Variants in SLC4A7 observed in about 807,000 individuals in gnomAD.
SLC4A7 encodes the protein solute carrier family 4 member 7.
In SLC4A7, 51 loss-of-function variants were observed where a neutral mutation model predicts 137.6. The ratio of observed to expected loss-of-function variants is 0.37; its 90% CI spans 0.30 to 0.47. The LOEUF (loss-of-function observed/expected upper bound fraction) is 0.47, where lower values mean the gene tolerates loss of function less well. SLC4A7 is among the 20% of genes least tolerant of loss of function. The pLI, the probability that SLC4A7 is intolerant of heterozygous loss-of-function variation, is 1.00. For synonymous variants in SLC4A7, 542 were observed against 518.6 expected (o/e 1.05, Z -0.61); for missense variants, 1,247 against 1,525.4 (o/e 0.82, Z 3.04).
intron 12 of SLC4A7, among the ~76,000 whole-genome samples, 155 bp downstream of exon 12, chr3:27,411,487 C>T (rs936702007): frequency 8.6e-5 from 13 of 151,262 alleles, no homozygotes; most frequent in African/African-American, 3.1e-4. Context: ...TATATTTATA[C>T]ATATAAATTT....
At chr3:27,424,688 T>C (rs914320914) in intron 7 of SLC4A7, among the ~76,000 whole-genome samples, 23 of 152,262 alleles carry the variant, frequency 1.5e-4, no homozygotes, top group Admixed American at 5.9e-4. Context: ...TTAACATTTA[T>C]GTCTATAATA....
intron 1 of SLC4A7, among the ~76,000 whole-genome samples, chr3:27,481,869 C>T (rs1466803004): frequency 2.0e-5 from 3 of 152,168 alleles, no homozygotes; most frequent in African/African-American, 7.2e-5. Context: ...GGTGCCATGG[C>T]TTACACCTGT....
chr3:27,449,914 T>C (rs1304897574), intron 2 of SLC4A7, among the ~76,000 whole-genome samples: 1 of 152,222 alleles, frequency 6.6e-6, no homozygotes, highest in Non-Finnish European at 1.5e-5. Context: ...ATATGTGACT[T>C]GAAAGTACAG....
chr3:27,408,829 T>C (rs1012356044), intron 13 of SLC4A7, among the ~76,000 whole-genome samples: 6 of 152,228 alleles, frequency 3.9e-5, no homozygotes, highest in African/African-American at 1.4e-4. Context: ...TTTAGCTATT[T>C]TCACATAGAC....
At chr3:27,477,005 A>G (rs2059490862) in intron 1 of SLC4A7, among the ~76,000 whole-genome samples, 1 of 152,230 alleles carries the variant, frequency 6.6e-6, no homozygotes, top group African/African-American at 2.4e-5. Context: ...GGAGGCAGAG[A>G]GGCAAATTTC....
intron 10 of SLC4A7, among the ~76,000 whole-genome samples, chr3:27,419,394 C>A (rs574762594): frequency 6.6e-6 from 1 of 151,790 alleles, no homozygotes; most frequent in South Asian, 2.1e-4. Flanking sequence ...CATGGTGACA[C>A]CCCATCTCTA....
At chr3:27,483,839 G>T (rs1201863376) in intron 1 of SLC4A7, among the ~76,000 whole-genome samples, 1 of 150,576 alleles carries the variant, frequency 6.6e-6, no homozygotes, top group African/African-American at 2.4e-5. Flanking sequence ...GCGCGCCGCC[G>T]GCCGCCCCGA....
intron 10 of SLC4A7, 139 bp downstream of exon 10, chr3:27,420,561 A>T (rs552114641): frequency 2.3e-6 from 1 of 439,578 alleles, no homozygotes; most frequent in East Asian, 3.5e-5. Flanking sequence ...AGGAGAAGCA[A>T]ATATGAGATA....
intron 1 of SLC4A7, among the ~76,000 whole-genome samples, chr3:27,473,824 A>G (rs2059356074): frequency 6.6e-6 from 1 of 152,100 alleles, no homozygotes; most frequent in African/African-American, 2.4e-5. Context: ...ATACAAATAC[A>G]TACATAAAAT....
chr3:27,394,800 A>G, intron 19 of SLC4A7, 31 bp from the exon 20 acceptor site: 1 of 1,606,380 alleles, frequency 6.2e-7, no homozygotes, highest in Non-Finnish European at 8.5e-7. Flanking sequence ...AAATATCTGT[A>G]AGTCTAAATG....
chr3:27,398,047 A>G (rs1368449308), intron 17 of SLC4A7, 145 bp downstream of exon 17: 1 of 666,072 alleles, frequency 1.5e-6, no homozygotes, highest in Non-Finnish European at 2.5e-6. Flanking sequence ...CGTAATATAC[A>G]TTTTTCACTA....
At chr3:27,443,893 C>T (rs375345848) in intron 3 of SLC4A7, among the ~76,000 whole-genome samples, 2 of 152,280 alleles carry the variant, frequency 1.3e-5, no homozygotes, top group South Asian at 4.1e-4. Flanking sequence ...TTTCCAAATA[C>T]CTAGGAATTA....
chr3:27,409,543 G>A lies in SLC4A7; in HGVS notation c.1767-13C>T, dbSNP rs769047401. The A allele has an allele frequency of 1.2e-6, 2 of 1,603,406 alleles. No homozygotes were observed. Among genetic ancestry groups the A allele is most frequent in the Admixed American group, 1.7e-5 (1 of 58,680 alleles). On this transcript the variant is annotated splice_polypyrimidine_tract_variant and intron_variant, in intron 12 of 25. Coordinates refer to ENST00000454389, the MANE Select transcript of SLC4A7 (RefSeq NM_001321103.2). ...ACCACCAAAAAGCCTAAATAGGTGAGATGAAACTCGTCAAACTGTACACTA... is the reference window on the plus strand; with the variant it reads ...ACCACCAAAAAGCCTAAATAGGTGAAATGAAACTCGTCAAACTGTACACTA...
intron 7 of SLC4A7, among the ~76,000 whole-genome samples, chr3:27,427,152 C>A (rs1166148884): frequency 6.6e-6 from 1 of 152,132 alleles, no homozygotes; most frequent in Non-Finnish European, 1.5e-5. Context: ...GTGCTGCAGG[C>A]AGCTAGCCAA....
At chr3:27,447,074 G>C (rs1280496472) in intron 3 of SLC4A7, among the ~76,000 whole-genome samples, 1 of 147,716 alleles carries the variant, frequency 6.8e-6, no homozygotes, top group Non-Finnish European at 1.5e-5. Flanking sequence ...TTTCAGTAGA[G>C]ACGGGGTTTC....
chr3:27,423,968 A>G (rs764166921), intron 8 of SLC4A7, 69 bp downstream of exon 8: 17 of 915,966 alleles, frequency 1.9e-5, no homozygotes, highest in Non-Finnish European at 2.6e-5. Context: ...TAATAATATT[A>G]GCCACAAATT....
chr3:27,376,448 T>C lies in SLC4A7; in HGVS notation c.*316A>G, dbSNP rs892276944. 2 of 181,484 alleles carry C rather than the reference T, an allele frequency of 1.1e-5. No individual in the cohort carries two copies. Among genetic ancestry groups the C allele is most frequent in the African/African-American group, 4.7e-5 (2 of 42,612 alleles). 11.2% of individuals were successfully genotyped at this position (181,484 alleles called of 1,614,324 possible). ...AAGTATCACTTAAGGTTTTTACGAA[T>C]TGCCACTGATGAACAGAGATTTAAG... On this transcript the variant is annotated 3_prime_UTR_variant, in exon 26 of 26. Coordinates refer to ENST00000454389, the MANE Select transcript of SLC4A7 (RefSeq NM_001321103.2).
intron 3 of SLC4A7, among the ~76,000 whole-genome samples, chr3:27,441,627 G>A (rs1207700136): frequency 1.3e-5 from 2 of 152,028 alleles, no homozygotes; most frequent in Non-Finnish European, 2.9e-5. Flanking sequence ...CCAGCAGTTG[G>A]GGAGATGCAC....
rs775842812 is a variant in SLC4A7 at position 27,436,403 on chromosome 3, G to C, written c.574C>G (p.Leu192Val). 2.8e-5 allele frequency: 45 copies of C among 1,610,724 alleles called. No individual in the cohort carries two copies. The highest frequency in any genetic ancestry group is 1.6e-4 in the Middle Eastern group (1 of 6,066). Residue 192 changes from leucine (L) to valine (V), a missense_variant, in exon 5 of 26, where the codon CTA becomes GTA. Physicochemically the swap from Leu to Val is conservative, Grantham distance 32 (BLOSUM62 1). Around this residue, in one of 6 missense-constraint regions of SLC4A7, gnomAD observed 223 missense variants for 203.6 expected, o/e 1.10. Transcript: ENST00000454389. ...TTACTATAACCTGCTATTTCATCTA[G>C]AGTGCTTGCTCTCATATCCAGCATG... The part of the protein sequence containing the change: ...TVMLDMRAST[L>V]DEIADMVLDN...
Sources: gnomAD v4.1 joint callset for allele counts (sites outside exome capture counted in the v4.1 genomes callset) on GRCh38, gnomAD v4.1.1 for gene constraint, gnomAD v4.1.1 regional missense constraint, MANE v1.5 for transcripts, NCBI Gene and HGNC (gene_info 2026-07-23, HGNC 2026-07-21) for gene names.